NGLY1: variants seen among roughly 807,000 people sequenced by gnomAD.
NGLY1 encodes the protein peptide-N(4)-(N-acetyl-beta-glucosaminyl)asparagine amidase.
A neutral mutation model predicts 84.6 loss-of-function variants in NGLY1; 68 were observed. The ratio of observed to expected loss-of-function variants is 0.80; its 90% CI spans 0.66 to 0.98. NGLY1 has a LOEUF of 0.98. Ranked by LOEUF, NGLY1 falls within the 50% of genes least tolerant of loss-of-function variation. The pLI, the probability that NGLY1 is intolerant of heterozygous loss-of-function variation, is 0.00. For synonymous variants in NGLY1, 280 were observed against 275.2 expected (o/e 1.02, Z -0.17); for missense variants, 779 against 770.2 (o/e 1.01, Z -0.14).
chr3:25,719,890 T>G (rs1704893189), intron 11 of NGLY1, 124 bp downstream of exon 11: 1 of 881,342 alleles, frequency 1.1e-6, no homozygotes, highest in Non-Finnish European at 1.6e-6. Context: ...AAATTTTTTT[T>G]TTTTTACTGA....
At chr3:25,761,932 C>A (rs920866768) in intron 3 of NGLY1, among the ~76,000 whole-genome samples, 1 of 152,064 alleles carries the variant, frequency 6.6e-6, no homozygotes, top group Admixed American at 6.5e-5. Flanking sequence ...AAATGTTACA[C>A]AAAGAGCTAG....
chr3:25,730,776 G>T (rs1705499827), intron 9 of NGLY1, among the ~76,000 whole-genome samples: 3 of 152,098 alleles, frequency 2.0e-5, no homozygotes, highest in Non-Finnish European at 4.4e-5. Context: ...CTAGAGAAAT[G>T]AACTGTAACA....
intron 2 of NGLY1, among the ~76,000 whole-genome samples, chr3:25,764,632 A>G (rs949267828): frequency 6.6e-6 from 1 of 151,342 alleles, no homozygotes; most frequent in Non-Finnish European, 1.5e-5. Flanking sequence ...TAAGGGTTGC[A>G]AAAATGCATA....
intron 10 of NGLY1, among the ~76,000 whole-genome samples, chr3:25,724,855 T>C (rs1705173809): frequency 1.3e-5 from 2 of 152,208 alleles, no homozygotes; most frequent in African/African-American, 4.8e-5. Flanking sequence ...TCTGACTCAG[T>C]GTGATATTAT....
chr3:25,783,305 A>G lies in NGLY1; in HGVS notation c.86T>C (p.Leu29Ser). The G allele has an allele frequency of 3.1e-6, 5 of 1,606,858 alleles. No homozygotes were observed. Among genetic ancestry groups the G allele is most frequent in the Non-Finnish European group, 4.2e-6 (5 of 1,177,070 alleles). Residue 29 changes from leucine (L) to serine (S), a missense_variant, in exon 1 of 12, where the codon TTG becomes TCG. Physicochemically the swap from Leu to Ser is moderately radical, Grantham distance 145. Coordinates refer to ENST00000280700, the MANE Select transcript of NGLY1 (RefSeq NM_018297.4). This position sits in a 1 kb window ranked among gnomAD's most constrained non-coding sequence, Gnocchi z 4.5. ...GGTGAGCAGCAGCTTGGAGGCCTCC[A>G]AAAAGGTCTCCGGGGTGTTCTGGCA... ...ELCQNTPETF[L>S]EASKLLLTYA...
intron 7 of NGLY1, chr3:25,735,734 G>T (rs1705781213): frequency 3.6e-6 from 1 of 275,114 alleles, no homozygotes; most frequent in South Asian, 7.3e-5. Flanking sequence ...TTGTGTGCCT[G>T]AGTGTTCATG....
At chr3:25,751,563 C>T (rs1479745971) in intron 3 of NGLY1, among the ~76,000 whole-genome samples, 11 of 152,148 alleles carry the variant, frequency 7.2e-5, no homozygotes, top group Admixed American at 7.2e-4. Flanking sequence ...CTGATCTATG[C>T]ATCTAATGGC....
chr3:25,749,769 C>CT, intron 4 of NGLY1: 1 of 1,423,412 alleles, frequency 7.0e-7, no homozygotes, highest in Non-Finnish European at 9.8e-7. Context: ...TGCAACAAAA[C>CT]TTACTGTGCT....
chr3:25,747,444 T>C (rs1389773662), intron 4 of NGLY1, among the ~76,000 whole-genome samples: 1 of 152,078 alleles, frequency 6.6e-6, no homozygotes, highest in Non-Finnish European at 1.5e-5. Flanking sequence ...AAGCCAGTCA[T>C]CAAAAATTGA....
chr3:25,762,377 T>C (rs1254942884), intron 3 of NGLY1, among the ~76,000 whole-genome samples: 2 of 152,184 alleles, frequency 1.3e-5, no homozygotes, highest in Admixed American at 1.3e-4. Context: ...TATATTCCAG[T>C]GATCCACGAA....
At chr3:25,757,427 T>C (rs1370114476) in intron 3 of NGLY1, among the ~76,000 whole-genome samples, 1 of 152,178 alleles carries the variant, frequency 6.6e-6, no homozygotes, top group Non-Finnish European at 1.5e-5. Flanking sequence ...ACAGGGCTGT[T>C]GTAAGGGTTC....
rs147768125 is a variant in NGLY1 at position 25,731,776 on chromosome 3, C to G, written c.1425+543G>C. Among the ~76,000 whole-genome samples, 294 of 152,206 alleles carry G rather than the reference C, an allele frequency of 1.9e-3. 3 individuals carry two copies. The highest frequency in any genetic ancestry group is 6.7e-3 in the African/African-American group (278 of 41,552). On this transcript the variant is annotated intron_variant, in intron 9 of 11. Coordinates refer to ENST00000280700, the MANE Select transcript of NGLY1 (RefSeq NM_018297.4). ...ATACCATACACGTTGCAACATGTAT[C>G]TCACTGACACAAAGTTACACAAAAC... is the stretch of plus-strand genomic sequence containing the variant.
At chr3:25,721,993 G>A (rs1158855483) in intron 10 of NGLY1, among the ~76,000 whole-genome samples, 6 of 151,620 alleles carry the variant, frequency 4.0e-5, no homozygotes, top group East Asian at 3.9e-4. Context: ...TGAGGCAGTC[G>A]GATCACTTGA....
At chr3:25,750,246 C>T (rs1463140624) in intron 4 of NGLY1, among the ~76,000 whole-genome samples, 1 of 152,146 alleles carries the variant, frequency 6.6e-6, no homozygotes, top group Non-Finnish European at 1.5e-5. Flanking sequence ...GAAACCACCA[C>T]CGTGATTCAA....
In NGLY1 at chr3:25,760,079, T is replaced by C. The variant is rs541742246; in HGVS notation, c.492+3987A>G. 2.6e-5 allele frequency among the ~76,000 whole-genome samples: 4 copies of C among 152,242 alleles called. 1 individual carries two copies. Among genetic ancestry groups the C allele is most frequent in the African/African-American group, 7.2e-5 (3 of 41,560 alleles). On this transcript the variant is annotated intron_variant, in intron 3 of 11. Transcript: ENST00000280700. ...AAATATGTTTTAATCAACTTGTGAC[T>C]TCAATAAACTTATTTAAAGAAAAAC...
At chr3:25,759,701 TA>T (rs1308436283) in intron 3 of NGLY1, among the ~76,000 whole-genome samples, 3 of 152,194 alleles carry the variant, frequency 2.0e-5, no homozygotes, top group Non-Finnish European at 4.4e-5. Context: ...AGACTAAAGT[TA>T]CTTAGAGTAC....
At chr3:25,733,734 A>G (rs1326526925) in intron 8 of NGLY1, 138 bp downstream of exon 8, 2 of 447,308 alleles carry the variant, frequency 4.5e-6, no homozygotes, top group Non-Finnish European at 7.5e-6. Flanking sequence ...ATTCTTTAAT[A>G]TTCAAAAAGA....
intron 1 of NGLY1, among the ~76,000 whole-genome samples, chr3:25,789,397 TA>T (rs1708673710): frequency 6.6e-6 from 1 of 152,158 alleles, no homozygotes; most frequent in Non-Finnish European, 1.5e-5. Context: ...AAAACTTTAT[TA>T]CAAAAACATT....
chr3:25,726,069 C>T (rs1705240533), intron 10 of NGLY1, among the ~76,000 whole-genome samples: 1 of 152,020 alleles, frequency 6.6e-6, no homozygotes. Context: ...TGCACCCGCC[C>T]CCTCACCCCG....
Sources: allele counts gnomAD v4.1 joint callset (sites outside exome capture counted in the v4.1 genomes callset), GRCh38; gene constraint gnomAD v4.1.1; non-coding constraint Gnocchi (gnomAD v3.1); transcripts MANE v1.5; gene names NCBI Gene and HGNC (gene_info 2026-07-23, HGNC 2026-07-21).